The following CAB39L variants were observed in gnomAD, a reference collection of about 807,000 sequenced individuals.
CAB39L encodes the protein calcium-binding protein 39-like.
CAB39L carries 23 observed loss-of-function variants against 39.1 expected under a neutral mutation model. That is an observed-to-expected ratio of 0.59 (90% confidence interval 0.42 to 0.83). The LOEUF is 0.83. Among genes scored for constraint, CAB39L ranks in the 40% least tolerant of loss-of-function variants. The pLI is 0.00. For missense variants in CAB39L, 366 were observed against 391.9 expected, an observed-to-expected ratio of 0.93 and a Z score of 0.56; for synonymous variants, 126 against 137.2, an observed-to-expected ratio of 0.92 and a Z score of 0.57.
At chr13:49,381,448 C>T (rs1397572098) in intron 4 of CAB39L, among the ~76,000 whole-genome samples, 3 of 152,220 alleles carry the variant, frequency 2.0e-5, no homozygotes, top group Non-Finnish European at 2.9e-5. Context: ...TTTCAGCACC[C>T]AGGAGTCACC....
chr13:49,406,194 G>T (rs971492788), intron 3 of CAB39L, among the ~76,000 whole-genome samples: 16 of 148,230 alleles, frequency 1.1e-4, no homozygotes, highest in African/African-American at 3.8e-4. Flanking sequence ...TTGAGATGGA[G>T]TCTTGCTCTG....
At chr13:49,311,313 A>C (rs1164168352) in intron 10 of CAB39L, among the ~76,000 whole-genome samples, 1 of 152,284 alleles carries the variant, frequency 6.6e-6, no homozygotes, top group East Asian at 1.9e-4. Context: ...TGCTGGTGTA[A>C]ACAAACCTAC....
Position 49,331,927 on chromosome 13 carries a change from C to A in CAB39L, c.834+20G>T, listed in dbSNP as rs1339893942. 5.0e-6 allele frequency: 8 copies of A among 1,612,404 alleles called. No homozygotes were observed. In the South Asian group the frequency reaches 8.8e-5, roughly 18 times the overall value. On this transcript the variant is annotated intron_variant, in intron 10 of 10. Transcript: ENST00000409308. ...AAAAAAATTGCCTACAACATTGTTT[C>A]CAGAGCTTGTACTTTTTACCTTAAA...
chr13:49,314,835 G>A (rs1367570259), intron 10 of CAB39L, among the ~76,000 whole-genome samples: 1 of 152,182 alleles, frequency 6.6e-6, no homozygotes, highest in Non-Finnish European at 1.5e-5. Flanking sequence ...GTAACTGTGA[G>A]GCTTAATGAG....
chr13:49,431,428 T>G (rs2138732657), intron 3 of CAB39L, among the ~76,000 whole-genome samples: 1 of 152,238 alleles, frequency 6.6e-6, no homozygotes, highest in African/African-American at 2.4e-5. Context: ...AAAAAAAGGC[T>G]GGGCGTGGTG....
At chr13:49,324,408 A>G (rs1954440547) in intron 10 of CAB39L, among the ~76,000 whole-genome samples, 2 of 152,234 alleles carry the variant, frequency 1.3e-5, no homozygotes, top group South Asian at 2.1e-4. Context: ...AAATATTTAA[A>G]TAGCCACTAT....
chr13:49,406,834 ATGTC>A (rs1233443663), intron 3 of CAB39L, among the ~76,000 whole-genome samples: 1 of 152,216 alleles, frequency 6.6e-6, no homozygotes, highest in African/African-American at 2.4e-5. Flanking sequence ...CTCTTTCAAT[ATGTC>A]TAATATAGAT....
At chr13:49,382,106 A>C (rs990373474) in intron 4 of CAB39L, among the ~76,000 whole-genome samples, 2 of 152,140 alleles carry the variant, frequency 1.3e-5, no homozygotes, top group Admixed American at 6.5e-5. Flanking sequence ...CTAGTTACTA[A>C]TGAAAATGTG....
intron 3 of CAB39L, among the ~76,000 whole-genome samples, chr13:49,387,240 T>C (rs936729367): frequency 1.3e-5 from 2 of 152,096 alleles, no homozygotes; most frequent in African/African-American, 4.8e-5. Context: ...ATGATAAAGA[T>C]AAAGCCAAAA....
At chr13:49,315,146 T>C (rs1593890584) in intron 10 of CAB39L, among the ~76,000 whole-genome samples, 2 of 152,216 alleles carry the variant, frequency 1.3e-5, no homozygotes, top group South Asian at 4.1e-4. Flanking sequence ...ATTCTTCATG[T>C]TTCTGTTCTT....
intron 1 of CAB39L, among the ~76,000 whole-genome samples, chr13:49,437,117 T>A (rs1166219836): frequency 6.6e-6 from 1 of 152,188 alleles, no homozygotes; most frequent in African/African-American, 2.4e-5. Context: ...CTAAAGTAAC[T>A]TTATATGGAT....
In CAB39L at chr13:49,321,190, C is replaced by G. The variant is rs1253010817; in HGVS notation, c.835-10197G>C. On this transcript the variant is annotated intron_variant, in intron 10 of 10. Coordinates refer to ENST00000409308, the MANE Select transcript of CAB39L (RefSeq NM_001079670.3). ...ACCCAGAGATAACCCCTGTGAATAT[C>G]TGGTGTATGTATGTGCAGCATTTTT... Among the ~76,000 whole-genome samples the G allele has an allele frequency of 2.6e-5, 4 of 152,174 alleles. No individual in the cohort carries two copies. The East Asian group carries it at 7.7e-4, about 29-fold the overall frequency.
chr13:49,423,543 C>T (rs1225473538), intron 3 of CAB39L, among the ~76,000 whole-genome samples: 1 of 151,870 alleles, frequency 6.6e-6, no homozygotes, highest in African/African-American at 2.4e-5. Context: ...CAGAGAAACA[C>T]TCCCATCCCT....
At chr13:49,406,393 G>T (rs1415739027) in intron 3 of CAB39L, among the ~76,000 whole-genome samples, 1 of 145,228 alleles carries the variant, frequency 6.9e-6, no homozygotes, top group Non-Finnish European at 1.5e-5. Context: ...TGTTAGCCAG[G>T]ATGGTCTCGA....
At chr13:49,439,695 CACCA>C (rs1566143630) in intron 1 of CAB39L, among the ~76,000 whole-genome samples, 1 of 152,202 alleles carries the variant, frequency 6.6e-6, no homozygotes, top group African/African-American at 2.4e-5. Flanking sequence ...TTTACACTCC[CACCA>C]ACCGTGTGTA....
intron 3 of CAB39L, among the ~76,000 whole-genome samples, chr13:49,402,219 G>A (rs906901358): frequency 6.6e-6 from 1 of 152,030 alleles, no homozygotes; most frequent in African/African-American, 2.4e-5. Context: ...AAGTCTAAAG[G>A]CTACAAAAAA....
At chr13:49,390,895 T>G (rs765734004) in intron 3 of CAB39L, among the ~76,000 whole-genome samples, 1 of 143,640 alleles carries the variant, frequency 7.0e-6, no homozygotes, top group Non-Finnish European at 1.5e-5. Flanking sequence ...TGATTGAATA[T>G]AAATGCTTAA....
intron 1 of CAB39L, among the ~76,000 whole-genome samples, chr13:49,438,903 A>G (rs1957458860): frequency 6.6e-6 from 1 of 152,222 alleles, no homozygotes; most frequent in Non-Finnish European, 1.5e-5. Context: ...GTTTTACTGT[A>G]GTAAAATAAG....
chr13:49,439,920 G>GTTTTTTTTTTTTTTTT (rs1270438947), intron 1 of CAB39L, among the ~76,000 whole-genome samples: 3 of 41,362 alleles, frequency 7.3e-5, no homozygotes, highest in African/African-American at 2.3e-4. Flanking sequence ...CTTTTTAATG[G>GTTTTTTTTTTTTTTTT]GTTTTTTTTT....
Sources: gnomAD v4.1 joint callset for allele counts (sites outside exome capture counted in the v4.1 genomes callset) on GRCh38, gnomAD v4.1.1 for gene constraint, MANE v1.5 for transcripts, NCBI Gene and HGNC (gene_info 2026-07-23, HGNC 2026-07-21) for gene names.